TAFA2: variants seen among roughly 807,000 people sequenced by gnomAD.
The protein encoded by TAFA2 is chemokine-like protein TAFA-2.
A neutral mutation model predicts 18.8 loss-of-function variants in TAFA2; 7 were observed. The observed-to-expected ratio is 0.37, with a 90% confidence interval of 0.21 to 0.70. TAFA2 has a LOEUF of 0.70. Ranked by LOEUF, TAFA2 falls within the 30% of genes least tolerant of loss-of-function variation. TAFA2 has a pLI of 0.53. For synonymous variants in TAFA2, 60 were observed against 54.2 expected (o/e 1.11, Z -0.47); for missense variants, 122 against 158.1 (o/e 0.77, Z 1.23).
intron 4 of TAFA2, among the ~76,000 whole-genome samples, chr12:61,752,736 A>G (rs1869078211): frequency 1.3e-5 from 2 of 152,044 alleles, no homozygotes; most frequent in African/African-American, 2.4e-5. Flanking sequence ...CCTCTTGTAT[A>G]TGTCTGGACA....
In TAFA2 at chr12:62,170,068, A is replaced by C. The variant is rs139004430; in HGVS notation, c.-2+21191T>G. Among the ~76,000 whole-genome samples, 27 of 152,182 alleles carry C rather than the reference A, an allele frequency of 1.8e-4. No homozygotes were observed. The East Asian group carries it at 4.6e-3, about 26-fold the overall frequency. The stretch of plus-strand genomic sequence containing the variant: ...ATATTGCTTTCCGAGTTCCTTAAAA[A>C]CCATAAATGCTCTCTTGTTTATCTT... On this transcript the variant is annotated intron_variant, in intron 1 of 4. Transcript: ENST00000416284.
intron 4 of TAFA2, among the ~76,000 whole-genome samples, chr12:61,746,782 C>T (rs1868729505): frequency 6.6e-6 from 1 of 152,008 alleles, no homozygotes; most frequent in Non-Finnish European, 1.5e-5. Flanking sequence ...AGTGCTCTGA[C>T]CAGAATTCAG....
chr12:61,880,418 G>T, intron 1 of TAFA2: 12 of 539,144 alleles, frequency 2.2e-5, no homozygotes, highest in South Asian at 1.7e-4. Context: ...GGCCAAGCAG[G>T]ACATGGCACA....
At chr12:62,050,912 C>T (rs924644378) in intron 1 of TAFA2, among the ~76,000 whole-genome samples, 2 of 152,144 alleles carry the variant, frequency 1.3e-5, no homozygotes, top group Non-Finnish European at 2.9e-5. Context: ...CTTTTACCAT[C>T]ACATTACTAC....
At chr12:61,926,117 C>G (rs1238683607) in intron 1 of TAFA2, among the ~76,000 whole-genome samples, 2 of 152,164 alleles carry the variant, frequency 1.3e-5, no homozygotes, top group Non-Finnish European at 2.9e-5. Flanking sequence ...TGGATAAATT[C>G]CTGGTCACAT....
At chr12:62,035,733 C>CTTTTTTTTTTTTTTTTTTTTTTTT (rs34859628) in intron 1 of TAFA2, among the ~76,000 whole-genome samples, 1 of 60,228 alleles carries the variant, frequency 1.7e-5, no homozygotes, top group African/African-American at 7.6e-5. Flanking sequence ...ATGATTCTTT[C>CTTTTTTTTTTTTTTTTTTTTTTTT]TTTTTTTTTT....
intron 1 of TAFA2, among the ~76,000 whole-genome samples, chr12:62,069,013 T>C (rs1207708843): frequency 2.0e-5 from 3 of 152,172 alleles, no homozygotes; most frequent in South Asian, 2.1e-4. Context: ...TCATAAAGCA[T>C]ATCCTCTCTA....
chr12:61,940,670 C>T (rs1485956531), intron 1 of TAFA2, among the ~76,000 whole-genome samples: 2 of 152,158 alleles, frequency 1.3e-5, no homozygotes, highest in African/African-American at 4.8e-5. Context: ...AATGGGCATC[C>T]TTTTCTCATC....
chr12:61,721,305 G>A lies in TAFA2; in HGVS notation c.385-10888C>T, dbSNP rs79782582. Among the ~76,000 whole-genome samples, 54 of 152,244 alleles carry A rather than the reference G, an allele frequency of 3.5e-4. No homozygotes were observed. In the East Asian group the frequency reaches 6.6e-3, roughly 19 times the overall value. On this transcript the variant is annotated intron_variant, in intron 4 of 4. Coordinates refer to ENST00000416284, the MANE Select transcript of TAFA2 (RefSeq NM_178539.5). The stretch of plus-strand genomic sequence containing the variant: ...GAAATCAAGACATAGTCATCTAAGC[G>A]CAAAGTGTAAAATAACTGTAGAAAC...
At position 61,872,920 on chromosome 12, in the gene TAFA2, T is replaced by C. The variant is rs568874859; in HGVS notation, c.-1-5494A>G. Among the ~76,000 whole-genome samples, 16 of 152,290 alleles carry C rather than the reference T, an allele frequency of 1.1e-4. 1 individual carries two copies. The South Asian group carries it at 3.3e-3, about 32-fold the overall frequency. ...AGCATTTTCTCTATTTATTCTAATCTAAAATTATTCTATTCACTATTTTAT... is the reference window on the plus strand; with the variant it reads ...AGCATTTTCTCTATTTATTCTAATCCAAAATTATTCTATTCACTATTTTAT... On this transcript the variant is annotated intron_variant, in intron 1 of 4. Transcript: ENST00000416284.
intron 2 of TAFA2, among the ~76,000 whole-genome samples, chr12:61,755,773 G>A (rs1277417977): frequency 6.6e-6 from 1 of 152,010 alleles, no homozygotes; most frequent in Non-Finnish European, 1.5e-5. Context: ...GACACTAAGT[G>A]TGTTGGATTA....
rs569815185 is a variant in TAFA2, at chr12:62,210,310, T to C, written c.-130+48453A>G. On this transcript the variant is annotated intron_variant, in intron 1 of 5. Transcript: ENST00000551619. ...AGTTCCCAGTTCATTGTTTTTTCAT[T>C]TGACATATTGTTGTGATTTAATTAT... Among the ~76,000 whole-genome samples, 3 of 152,314 alleles carry C rather than the reference T, an allele frequency of 2.0e-5. No individual in the cohort carries two copies. The South Asian group carries it at 6.2e-4, about 32-fold the overall frequency.
At position 62,204,370 on chromosome 12, in the gene TAFA2, T is replaced by G. The variant is rs57387647; in HGVS notation, c.-130+54393A>C. Among the ~76,000 whole-genome samples, 473 of 152,280 alleles carry G rather than the reference T, an allele frequency of 3.1e-3. 3 individuals are homozygous for G. The highest frequency in any genetic ancestry group is 0.011 in the African/African-American group (463 of 41,558). ...CTGGTGTTCTCTGGATTTCGTGAAT[T>G]TGAATGTTGGCCTGTCTTGCTAAGT... On this transcript the variant is annotated intron_variant, in intron 1 of 5. Coordinates refer to the TAFA2 transcript ENST00000551619.
chr12:62,130,459 C>T (rs1870636256), intron 1 of TAFA2, among the ~76,000 whole-genome samples: 1 of 151,874 alleles, frequency 6.6e-6, no homozygotes, highest in African/African-American at 2.4e-5. Context: ...ATTAATATTG[C>T]AAATAAAGAA....
At chr12:61,924,030 T>A (rs1352215053) in intron 1 of TAFA2, among the ~76,000 whole-genome samples, 1 of 147,146 alleles carries the variant, frequency 6.8e-6, no homozygotes. Flanking sequence ...GAAGACAAGA[T>A]TAGAGAGAAA....
At chr12:61,812,350 T>C (rs946362112) in intron 2 of TAFA2, among the ~76,000 whole-genome samples, 6 of 151,496 alleles carry the variant, frequency 4.0e-5, no homozygotes, top group African/African-American at 4.9e-5. Flanking sequence ...GTCCTGATTG[T>C]ATCTGGCCCA....
At chr12:62,068,778 A>G (rs1882555724) in intron 1 of TAFA2, among the ~76,000 whole-genome samples, 1 of 152,202 alleles carries the variant, frequency 6.6e-6, no homozygotes, top group African/African-American at 2.4e-5. Context: ...CATTGTCAAG[A>G]ATCACTGGGA....
intron 1 of TAFA2, among the ~76,000 whole-genome samples, chr12:61,929,427 G>C (rs1475790359): frequency 2.0e-5 from 3 of 152,108 alleles, no homozygotes; most frequent in African/African-American, 7.2e-5. Flanking sequence ...CTGGCCATCA[G>C]AAAAATGCAA....
intron 1 of TAFA2, among the ~76,000 whole-genome samples, chr12:61,953,623 C>T (rs1176866666): frequency 1.3e-5 from 2 of 152,066 alleles, no homozygotes; most frequent in Admixed American, 6.6e-5. Flanking sequence ...AACCAGTGGC[C>T]TCGGTAAAGA....
Sources: allele counts gnomAD v4.1 joint callset (sites outside exome capture counted in the v4.1 genomes callset), GRCh38; gene constraint gnomAD v4.1.1; transcripts MANE v1.5; gene names NCBI Gene and HGNC (gene_info 2026-07-23, HGNC 2026-07-21).